Variants in ANHX observed in about 807,000 individuals in gnomAD.
The protein encoded by ANHX is anomalous homeobox protein.
In ANHX, 20 loss-of-function variants were observed where a neutral mutation model predicts 38.9. That is an observed-to-expected ratio of 0.51 (90% CI 0.36 to 0.75). The LOEUF is 0.75. ANHX is among the 30% of genes least tolerant of loss of function. ANHX has a pLI of 0.00. For synonymous variants in ANHX, 185 were observed against 203.1 expected (o/e 0.91, Z 0.76); for missense variants, 475 against 493.1 (o/e 0.96, Z 0.35).
At chr12:133,232,476 C>A (rs540164614) in intron 2 of ANHX, among the ~76,000 whole-genome samples, 1 of 152,138 alleles carries the variant, frequency 6.6e-6, no homozygotes, top group African/African-American at 2.4e-5. Flanking sequence ...CCCTCAGAGC[C>A]GACGGCTCTG....
At chr12:133,222,564 C>A (rs984633099) in intron 7 of ANHX, among the ~76,000 whole-genome samples, 9 of 151,408 alleles carry the variant, frequency 5.9e-5, no homozygotes, top group Admixed American at 1.3e-4. Context: ...ACCGTCCCCA[C>A]GCCAGCCTCG....
At position 133,221,263 on chromosome 12, in the gene ANHX, C is replaced by A; in HGVS notation, c.1222G>T (p.Gly408Cys). The A allele has an allele frequency of 6.5e-7, 1 of 1,536,010 alleles. No individual in the cohort carries two copies. The highest frequency in any genetic ancestry group is 1.7e-4 in the Middle Eastern group (1 of 5,988). ...TSSGRTELRV[G>C]SFLVTQPPLQ... ...GGGGGCTGTGTCACCAGGAAGCTGC[C>A]CACCCGTAGCTCTGTCCGTCCACTG... The change falls in exon 8 of 10, where the codon GGC becomes TGC. Residue 408 changes from glycine to cysteine, a missense_variant. Transcript: ENST00000545940. This position sits in a 1 kb window ranked among gnomAD's most constrained non-coding sequence, Gnocchi z 4.1.
At chr12:133,226,906 C>T (rs1193920034) in intron 5 of ANHX, 30 bp downstream of exon 5, 1 of 1,479,146 alleles carries the variant, frequency 6.8e-7, no homozygotes. Flanking sequence ...TCCCCGACCA[C>T]AAGGAGACTG....
rs554299217 is a variant in ANHX at position 133,230,239 on chromosome 12, T to A, written c.377+1278A>T. Among the ~76,000 whole-genome samples, 8 of 152,312 alleles carry A rather than the reference T, an allele frequency of 5.3e-5. No homozygotes were observed. The South Asian group carries it at 1.7e-3, about 32-fold the overall frequency. The stretch of plus-strand genomic sequence containing the variant: ...AGGCAGGGGGTGCTTAACAAACATG[T>A]CGACAAGATGACACCACTGCACTCT... On this transcript the variant is annotated intron_variant, in intron 3 of 9. Transcript: ENST00000545940.
At chr12:133,224,867 T>G (rs556065830) in intron 7 of ANHX, among the ~76,000 whole-genome samples, 1 of 146,824 alleles carries the variant, frequency 6.8e-6, no homozygotes, top group Admixed American at 6.9e-5. Flanking sequence ...CTCGGGAGGC[T>G]GAGGCAGGAG....
Position 133,222,682 on chromosome 12 carries a change from G to A in ANHX, c.1133-1330C>T, listed in dbSNP as rs1341887520. On this transcript the variant is annotated intron_variant, in intron 7 of 9. Transcript: ENST00000545940. ...ACTGACAAGCCCTCTCCTGAGGCGC[G>A]AGCCCTAAGATCCCTTCTTCTTTCT... is the stretch of plus-strand genomic sequence containing the variant. 6.6e-5 allele frequency among the ~76,000 whole-genome samples: 10 copies of A among 152,288 alleles called. No individual in the cohort carries two copies. The South Asian group carries it at 8.3e-4, about 13-fold the overall frequency.
chr12:133,227,700 G>A lies in ANHX; in HGVS notation c.501+124C>T, dbSNP rs921285072. ...TCAACAAGGTCCCTGTCCAGAGGAG[G>A]GGCTGAAACCACCAGCACCCTGGCG... On this transcript the variant is annotated intron_variant, in intron 4 of 9. Coordinates refer to ENST00000545940, the MANE Select transcript of ANHX (RefSeq NM_001372060.1). The A allele has an allele frequency of 6.3e-6, 7 of 1,115,674 alleles. No homozygotes were observed. The Admixed American group carries it at 1.9e-4, about 29-fold the overall frequency. The allele number at this position is 1,115,674 out of a possible 1,614,324, so 69.1% of individuals were successfully genotyped here. A position where few individuals can be genotyped will look rare whatever the true frequency, so the allele number is the denominator to read the frequency against.
chr12:133,223,898 AGG>A lies in ANHX; in HGVS notation c.1132+1636_1132+1637del, dbSNP rs930754273. ...AATCTAAGAGCTCCAAAAAATTATG[AGG>A]GGGGGAAAAGCATTTCAACTCAGAA... On this transcript the variant is annotated intron_variant, in intron 7 of 9. Transcript: ENST00000545940. Among the ~76,000 whole-genome samples, 3 of 152,188 alleles carry A rather than the reference AGG, an allele frequency of 2.0e-5. No individual in the cohort carries two copies. The East Asian group carries it at 5.8e-4, about 29-fold the overall frequency.
chr12:133,226,195 C>G (rs1957186131), intron 6 of ANHX, 123 bp downstream of exon 6: 1 of 1,471,894 alleles, frequency 6.8e-7, no homozygotes, highest in Non-Finnish European at 9.1e-7. Flanking sequence ...TCCCTGGGGT[C>G]TGACCTGATC....
chr12:133,227,396 C>T (rs1457648956), intron 4 of ANHX, among the ~76,000 whole-genome samples: 2 of 152,234 alleles, frequency 1.3e-5, no homozygotes, highest in Admixed American at 6.5e-5. Context: ...ATGTGCACGT[C>T]CCCCTGAGTG....
At chr12:133,234,627 G>C (rs1179893693) in intron 1 of ANHX, 1 of 452,004 alleles carries the variant, frequency 2.2e-6, no homozygotes, top group South Asian at 2.2e-5. Context: ...CACTGGGCTG[G>C]GTACTGTCTG....
At chr12:133,224,725 G>A (rs1196475932) in intron 7 of ANHX, among the ~76,000 whole-genome samples, 11 of 151,050 alleles carry the variant, frequency 7.3e-5, no homozygotes, top group Admixed American at 3.3e-4. Flanking sequence ...CAGCACTTTG[G>A]GAGGCCGAGG....
intron 3 of ANHX, among the ~76,000 whole-genome samples, chr12:133,228,413 G>A (rs1482150670): frequency 6.6e-6 from 1 of 152,136 alleles, no homozygotes; most frequent in Non-Finnish European, 1.5e-5. Flanking sequence ...TCCATTCAGT[G>A]CTTTCTGTTC....
chr12:133,235,077 C>G (rs1957346785), intron 1 of ANHX: 1 of 140,918 alleles, frequency 7.1e-6, no homozygotes, highest in African/African-American at 2.6e-5. Context: ...GTTCTTTCTG[C>G]CGTGCGCCCG....
At chr12:133,231,441 C>A in intron 3 of ANHX, 76 bp downstream of exon 3, 1 of 1,521,290 alleles carries the variant, frequency 6.6e-7, no homozygotes, top group Non-Finnish European at 8.8e-7. Context: ...TGCTTCAGCC[C>A]CTCTGGGCTT....
At chr12:133,234,415 G>T in intron 1 of ANHX, 37 bp from the exon 2 acceptor site, 2 of 1,496,386 alleles carry the variant, frequency 1.3e-6, no homozygotes, top group South Asian at 1.3e-5. Flanking sequence ...GGCCACCACT[G>T]ACCACGTCCT....
At position 133,234,388 on chromosome 12, in the gene ANHX, C is replaced by CA; in HGVS notation, c.-22-11dup. ...CTGGGTCGTGGCCACTCTGCCAACACAAACAGTCACAAGAATGGCCACCAC... is the reference window on the plus strand; with the variant it reads ...CTGGGTCGTGGCCACTCTGCCAACACAAAACAGTCACAAGAATGGCCACCAC... On this transcript the variant is annotated splice_polypyrimidine_tract_variant and intron_variant, in intron 1 of 9. Coordinates refer to ENST00000545940, the MANE Select transcript of ANHX (RefSeq NM_001372060.1). 1 of 1,518,722 alleles carries CA rather than the reference C, an allele frequency of 6.6e-7. No individual in the cohort carries two copies. The highest frequency in any genetic ancestry group is 8.8e-7 in the Non-Finnish European group (1 of 1,134,712). The allele number at this position is 1,518,722 out of a possible 1,614,324, so 94.1% of individuals were successfully genotyped here.
chr12:133,226,303 T>A lies in ANHX; in HGVS notation c.839+15A>T. The A allele has an allele frequency of 6.5e-7, 1 of 1,536,160 alleles. No individual in the cohort carries two copies. Among genetic ancestry groups the A allele is most frequent in the South Asian group, 1.2e-5 (1 of 84,060 alleles). On this transcript the variant is annotated intron_variant, in intron 6 of 9. Coordinates refer to ENST00000545940, the MANE Select transcript of ANHX (RefSeq NM_001372060.1). ...AATAGGTGAGATGATTCCATGGCCA[T>A]GGAGATGACAGTACCTGACATCCAG...
At chr12:133,227,769 G>A (rs1464563242) in intron 4 of ANHX, 55 bp downstream of exon 4, 3 of 1,529,090 alleles carry the variant, frequency 2.0e-6, no homozygotes, top group Middle Eastern at 3.3e-4. Context: ...CCCCTTGGGG[G>A]ACAGGGAGGC....
Sources: allele counts gnomAD v4.1 joint callset (sites outside exome capture counted in the v4.1 genomes callset), GRCh38; gene constraint gnomAD v4.1.1; non-coding constraint Gnocchi (gnomAD v3.1); transcripts MANE v1.5; gene names NCBI Gene and HGNC (gene_info 2026-07-23, HGNC 2026-07-21).